The following TDRD3 variants were observed in gnomAD, a reference collection of about 807,000 sequenced individuals.
TDRD3 encodes the protein tudor domain-containing protein 3.
TDRD3 carries 45 observed loss-of-function variants against 86.7 expected under a neutral mutation model. That is an observed-to-expected ratio of 0.52 (90% CI 0.41 to 0.67). The LOEUF is 0.67. Ranked by LOEUF, TDRD3 falls within the 30% of genes least tolerant of loss-of-function variation. The probability of loss-of-function intolerance (pLI) is 0.00; values close to 1 mark genes in which losing one functional copy is unlikely to be tolerated. For missense variants in TDRD3, 814 were observed against 889.0 expected, an observed-to-expected ratio of 0.92 and a Z score of 1.07; for synonymous variants, 298 against 301.7, an observed-to-expected ratio of 0.99 and a Z score of 0.13.
intron 12 of TDRD3, chr13:60,537,812 A>G (rs947985127): frequency 6.6e-6 from 1 of 151,944 alleles, no homozygotes; most frequent in Non-Finnish European, 1.5e-5. Context: ...ATTAAGATTT[A>G]TGTTTGTATT....
intron 3 of TDRD3, among the ~76,000 whole-genome samples, chr13:60,452,042 A>G (rs970138013): frequency 1.3e-5 from 2 of 152,190 alleles, no homozygotes; most frequent in East Asian, 1.9e-4. Context: ...GCCACTTTCT[A>G]TGGTATAAAT....
chr13:60,509,930 T>C lies in TDRD3; in HGVS notation c.1015+11T>C, dbSNP rs1957021856. On this transcript the variant is annotated intron_variant, in intron 9 of 13. Coordinates refer to ENST00000377881, the MANE Select transcript of TDRD3 (RefSeq NM_001146070.2). ...GTCCTCCTCTGAGAGGTATAATTTA[T>C]TAAGCAGTGTGCCAGATAGTATTGT... The C allele has an allele frequency of 6.2e-7, 1 of 1,612,040 alleles. No homozygotes were observed. Among genetic ancestry groups the C allele is most frequent in the African/African-American group, 1.3e-5 (1 of 74,820 alleles).
chr13:60,396,468 G>A (rs1048547523), upstream of TDRD3: 1 of 152,238 alleles, frequency 6.6e-6, no homozygotes, highest in African/African-American at 2.4e-5. Flanking sequence ...CCCACCCTGC[G>A]CCCCAGCCCT....
At chr13:60,509,445 T>C (rs537450305) in intron 8 of TDRD3, 1 of 189,670 alleles carries the variant, frequency 5.3e-6, no homozygotes, top group Admixed American at 6.0e-5. Context: ...CCATGAAAAA[T>C]TTTCATTAAG....
intron 12 of TDRD3, among the ~76,000 whole-genome samples, chr13:60,562,943 A>G (rs751714000): frequency 3.3e-5 from 5 of 152,118 alleles, no homozygotes; most frequent in Non-Finnish European, 7.4e-5. Flanking sequence ...TATAAGATAA[A>G]GTGGGCTAGG....
intron 5 of TDRD3, among the ~76,000 whole-genome samples, chr13:60,476,978 T>C (rs1956198802): frequency 6.6e-6 from 1 of 152,096 alleles, no homozygotes; most frequent in Non-Finnish European, 1.5e-5. Flanking sequence ...TTTCTAGATA[T>C]AGAATGATAT....
intron 13 of TDRD3, among the ~76,000 whole-genome samples, chr13:60,569,771 T>C (rs1412853996): frequency 6.6e-6 from 1 of 152,122 alleles, no homozygotes. Context: ...AAGCTCTATA[T>C]TTACAGCCAA....
intron 5 of TDRD3, among the ~76,000 whole-genome samples, chr13:60,472,333 C>T (rs769333776): frequency 9.9e-5 from 15 of 152,096 alleles, no homozygotes; most frequent in East Asian, 1.9e-4. Flanking sequence ...ATACACATAA[C>T]GTAAAATTTA....
intron 1 of TDRD3, among the ~76,000 whole-genome samples, chr13:60,431,841 A>C (rs1325710469): frequency 6.6e-6 from 1 of 151,986 alleles, no homozygotes; most frequent in African/African-American, 2.4e-5. Flanking sequence ...TATTGAAAGT[A>C]GTTTACTACA....
intron 13 of TDRD3, among the ~76,000 whole-genome samples, chr13:60,571,243 T>C (rs1308348445): frequency 2.6e-5 from 4 of 152,244 alleles, no homozygotes; most frequent in African/African-American, 9.6e-5. Flanking sequence ...TGAAAGACTA[T>C]GAAGTAGAAT....
intron 12 of TDRD3, among the ~76,000 whole-genome samples, chr13:60,552,392 C>T (rs540692152): frequency 7.9e-5 from 12 of 152,352 alleles, no homozygotes; most frequent in East Asian, 1.9e-4. Context: ...ATCCAGGGCA[C>T]GCTAATGCAA....
intron 8 of TDRD3, among the ~76,000 whole-genome samples, chr13:60,506,665 G>C (rs1037521449): frequency 6.6e-6 from 1 of 152,128 alleles, no homozygotes; most frequent in African/African-American, 2.4e-5. Context: ...GCTGAGGCAG[G>C]ATAATCACTG....
intron 1 of TDRD3, among the ~76,000 whole-genome samples, chr13:60,430,555 C>A (rs1368373657): frequency 1.3e-5 from 2 of 152,056 alleles, no homozygotes; most frequent in Admixed American, 6.6e-5. Flanking sequence ...TAAATTATAA[C>A]CCCAATGAAA....
chr13:60,551,268 T>C (rs926183929), intron 12 of TDRD3, among the ~76,000 whole-genome samples: 5 of 152,236 alleles, frequency 3.3e-5, no homozygotes, highest in African/African-American at 9.6e-5. Context: ...TGTTTTCTTC[T>C]ATGGAAAATA....
At chr13:60,444,548 C>A in intron 2 of TDRD3, 135 bp from the exon 3 acceptor site, 1 of 503,112 alleles carries the variant, frequency 2.0e-6, no homozygotes, top group South Asian at 3.5e-5. Context: ...ATTGATAATA[C>A]ATGTAGATCT....
intron 1 of TDRD3, among the ~76,000 whole-genome samples, chr13:60,417,267 C>T (rs1954545181): frequency 6.6e-6 from 1 of 151,984 alleles, no homozygotes; most frequent in Admixed American, 6.6e-5. Context: ...TCTCCTGCCT[C>T]AGCCTCCCAA....
chr13:60,441,314 C>A (rs1419340449), intron 2 of TDRD3, among the ~76,000 whole-genome samples: 1 of 151,582 alleles, frequency 6.6e-6, no homozygotes, highest in East Asian at 1.9e-4. Flanking sequence ...AGGTAAATAG[C>A]AATAAACTAT....
At chr13:60,488,667 A>G (rs1175855859) in intron 7 of TDRD3, among the ~76,000 whole-genome samples, 2 of 151,858 alleles carry the variant, frequency 1.3e-5, no homozygotes, top group African/African-American at 4.8e-5. Context: ...TCTGCCTCCC[A>G]GGTTCAAGCT....
rs546411335 is a variant in TDRD3 at position 60,509,572 on chromosome 13, G to C, written c.859-191G>C. ...CTTGTGAGGTCAGAGAATACTCAAG[G>C]CACAACCCCACATATCATACAGATT... On this transcript the variant is annotated intron_variant, in intron 8 of 13. Coordinates refer to ENST00000377881, the MANE Select transcript of TDRD3 (RefSeq NM_001146070.2). The C allele has an allele frequency of 2.5e-4, 169 of 663,428 alleles. 2 individuals are homozygous for C. Among genetic ancestry groups the C allele is most frequent in the South Asian group, 2.5e-3 (131 of 52,676 alleles). The allele number at this position is 663,428 out of a possible 1,614,324, so 41.1% of individuals were successfully genotyped here.
Sources: allele counts gnomAD v4.1 joint callset (sites outside exome capture counted in the v4.1 genomes callset), GRCh38; gene constraint gnomAD v4.1.1; transcripts MANE v1.5; gene names NCBI Gene and HGNC (gene_info 2026-07-23, HGNC 2026-07-21).